Variants in HEMK2 observed in about 807,000 individuals in gnomAD.
The protein encoded by HEMK2 is methyltransferase HEMK2.
the HEMK2 span, among the ~76,000 whole-genome samples, chr21:28,745,301 G>A: frequency 1.3e-5 from 2 of 152,172 alleles, no homozygotes; most frequent in Non-Finnish European, 2.9e-5. Context: ...AATCGTTAAC[G>A]ATATTTCCAG....
the HEMK2 span, among the ~76,000 whole-genome samples, chr21:28,629,421 A>C: frequency 6.6e-6 from 1 of 152,228 alleles, no homozygotes; most frequent in Non-Finnish European, 1.5e-5. Flanking sequence ...CAGATCCTAC[A>C]CATCAAAATA....
chr21:28,670,202 C>A, the HEMK2 span, among the ~76,000 whole-genome samples: 2 of 152,056 alleles, frequency 1.3e-5, no homozygotes, highest in Non-Finnish European at 2.9e-5. Flanking sequence ...TAACCTCAAT[C>A]AAAAATATAC....
chr21:28,620,055 G>C, the HEMK2 span, among the ~76,000 whole-genome samples: 9 of 152,104 alleles, frequency 5.9e-5, no homozygotes, highest in African/African-American at 9.7e-5. Flanking sequence ...GATTGCCCTG[G>C]CCAGAACTTC....
the HEMK2 span, among the ~76,000 whole-genome samples, chr21:28,595,153 C>G: frequency 1.3e-5 from 2 of 152,266 alleles, no homozygotes; most frequent in East Asian, 3.9e-4. Flanking sequence ...TATCCTCCAA[C>G]GTTTATCCTT....
the HEMK2 span, among the ~76,000 whole-genome samples, chr21:28,617,673 T>C: frequency 1.6e-4 from 24 of 147,054 alleles, no homozygotes; most frequent in Non-Finnish European, 3.1e-4. Flanking sequence ...GTTCAGTGCC[T>C]GGACAAAATA....
chr21:28,710,224 G>A, the HEMK2 span, among the ~76,000 whole-genome samples: 2,550 of 152,244 alleles, frequency 0.017, 73 homozygotes, highest in African/African-American at 0.057. Context: ...AAACCAACAC[G>A]AAGTGGTTAG....
chr21:28,650,701 C>A, the HEMK2 span, among the ~76,000 whole-genome samples: 1 of 151,986 alleles, frequency 6.6e-6, no homozygotes, highest in Non-Finnish European at 1.5e-5. Context: ...GGTGTCTAGC[C>A]AACTATTCAG....
the HEMK2 span, among the ~76,000 whole-genome samples, chr21:28,751,155 C>G: frequency 6.7e-6 from 1 of 149,314 alleles, no homozygotes; most frequent in African/African-American, 2.5e-5. Context: ...GGTGTGAACC[C>G]GGGAGGCGGA....
chr21:28,811,249 G>GGAAAGAAAGAAAGAAAGAAAGAAA, the HEMK2 span, among the ~76,000 whole-genome samples: 180 of 133,000 alleles, frequency 1.4e-3, 5 homozygotes, highest in African/African-American at 4.2e-3. Context: ...CAGAGAAAGA[G>GGAAAGAAAGAAAGAAAGAAAGAAA]GAAAGAAAGA....
the HEMK2 span, among the ~76,000 whole-genome samples, chr21:28,822,738 T>A: frequency 2.6e-5 from 4 of 152,186 alleles, no homozygotes; most frequent in Non-Finnish European, 4.4e-5. Flanking sequence ...GCTGCTGTAA[T>A]TAGCATCAAC....
At chr21:28,658,568 C>T in the HEMK2 span, among the ~76,000 whole-genome samples, 1 of 152,068 alleles carries the variant, frequency 6.6e-6, no homozygotes. Flanking sequence ...TCTGGTCCTG[C>T]TATTCTGACT....
At chr21:28,877,140 AAG>A in the HEMK2 span, among the ~76,000 whole-genome samples, 52,763 of 113,972 alleles carry the variant, frequency 0.46, 14,820 homozygotes, top group Non-Finnish European at 0.63. Context: ...AAGAGAAGAG[AAG>A]AGAGAGAGAG....
the HEMK2 span, among the ~76,000 whole-genome samples, chr21:28,784,369 C>T: frequency 6.6e-6 from 1 of 152,052 alleles, no homozygotes; most frequent in Non-Finnish European, 1.5e-5. Flanking sequence ...CCGATCAGCA[C>T]CCTGTGTCTA....
the HEMK2 span, among the ~76,000 whole-genome samples, chr21:28,831,650 A>G: frequency 6.9e-3 from 256 of 36,916 alleles, 4 homozygotes; most frequent in East Asian, 0.016. Context: ...AAAGAAAGAA[A>G]GAAAGAAAGA....
At chr21:28,818,049 G>A in the HEMK2 span, among the ~76,000 whole-genome samples, 1 of 152,160 alleles carries the variant, frequency 6.6e-6, no homozygotes, top group African/African-American at 2.4e-5. Flanking sequence ...TCCTAGGTGT[G>A]TCTGTGAGGG....
At chr21:28,659,454 T>G in the HEMK2 span, among the ~76,000 whole-genome samples, 1 of 152,038 alleles carries the variant, frequency 6.6e-6, no homozygotes. Flanking sequence ...CACCTTTATC[T>G]TCATCCCAGG....
chr21:28,839,000 T>C, the HEMK2 span, among the ~76,000 whole-genome samples: 374 of 57,816 alleles, frequency 6.5e-3, 6 homozygotes, highest in African/African-American at 0.011. Context: ...TATATATATA[T>C]ACATATATAT....
chr21:28,660,010 T>C, the HEMK2 span, among the ~76,000 whole-genome samples: 3 of 152,052 alleles, frequency 2.0e-5, no homozygotes, highest in Admixed American at 6.6e-5. Context: ...TGTAGTTTTC[T>C]GTATAGAGGT....
chr21:28,784,101 A>G, the HEMK2 span, among the ~76,000 whole-genome samples: 22,123 of 152,092 alleles, frequency 0.15, 3,022 homozygotes, highest in African/African-American at 0.35. Flanking sequence ...CCAGCTCCAC[A>G]GCGCCTGGTC....
Sources: allele counts gnomAD v4.1 joint callset (sites outside exome capture counted in the v4.1 genomes callset), GRCh38; gene constraint gnomAD v4.1.1; transcripts MANE v1.5; gene names NCBI Gene and HGNC (gene_info 2026-07-23, HGNC 2026-07-21).